Variants in GABRA1 observed in about 807,000 individuals in gnomAD.
GABRA1 encodes gamma-aminobutyric acid receptor subunit alpha-1.
In GABRA1, 9 loss-of-function variants were observed where a neutral mutation model predicts 48.9. That is an observed-to-expected ratio of 0.18 (90% CI 0.11 to 0.32). The LOEUF is 0.32. Among genes scored for constraint, GABRA1 ranks in the 10% least tolerant of loss-of-function variants. The pLI, the probability that GABRA1 is intolerant of heterozygous loss-of-function variation, is 1.00. For synonymous variants in GABRA1, 210 were observed against 198.7 expected (o/e 1.06, Z -0.48); for missense variants, 285 against 553.8 (o/e 0.51, Z 4.87).
chr5:161,862,825 T>C (rs1253852975), intron 3 of GABRA1, among the ~76,000 whole-genome samples: 2 of 151,972 alleles, frequency 1.3e-5, no homozygotes, highest in Non-Finnish European at 2.9e-5. Flanking sequence ...TGCTATGTAG[T>C]CATTTGAGCA....
intron 8 of GABRA1, among the ~76,000 whole-genome samples, chr5:161,892,918 G>A (rs1266580621): frequency 6.6e-6 from 1 of 151,314 alleles, no homozygotes; most frequent in African/African-American, 2.4e-5. Flanking sequence ...GCAGGAGAAT[G>A]GCTTGAACCC....
Position 161,882,628 on chromosome 5 carries a change from A to C in GABRA1, c.630A>C (p.Glu210Asp). ...REPARSVVVAEDGSRLNQYDL... is the reference protein window; with the variant it reads ...REPARSVVVADDGSRLNQYDL... ...CAGCACGCTCAGTGGTTGTAGCAGA[A>C]GATGGATCACGTCTAAACCAGTATG... is the stretch of plus-strand genomic sequence containing the variant. The change falls in exon 7 of 10, where the codon GAA becomes GAC. Residue 210 changes from glutamate to aspartate, a missense_variant. By Grantham distance (45) the Glu-to-Asp change is conservative. Coordinates refer to ENST00000393943, the MANE Select transcript of GABRA1 (RefSeq NM_001127644.2). 6.2e-7 allele frequency: 1 copy of C among 1,613,712 alleles called. No homozygotes were observed. Among genetic ancestry groups the C allele is most frequent in the African/African-American group, 1.3e-5 (1 of 75,050 alleles).
In GABRA1 at chr5:161,861,734, A is replaced by T. The variant is rs139763969; in HGVS notation, c.188-3987A>T. ...GCTCCAATCAATCAGGTCAGCAGGG[A>T]GCTGGAACATTGCTTTATCCAGGAG... On this transcript the variant is annotated intron_variant, in intron 3 of 9. Coordinates refer to ENST00000393943, the MANE Select transcript of GABRA1 (RefSeq NM_001127644.2). 3.9e-5 allele frequency among the ~76,000 whole-genome samples: 6 copies of T among 152,032 alleles called. No homozygotes were observed. The East Asian group carries it at 9.7e-4, about 25-fold the overall frequency.
chr5:161,854,747 A>C (rs1459900829), intron 3 of GABRA1, among the ~76,000 whole-genome samples: 1 of 151,610 alleles, frequency 6.6e-6, no homozygotes, highest in African/African-American at 2.4e-5. Context: ...AATGAGATAG[A>C]TGGTAGTGTT....
At chr5:161,895,016 TTA>T (rs991389368) in intron 8 of GABRA1, among the ~76,000 whole-genome samples, 59 of 150,694 alleles carry the variant, frequency 3.9e-4, no homozygotes, top group African/African-American at 1.4e-3. Context: ...AAATGTATTA[TTA>T]TATATATGTG....
chr5:161,854,112 A>C (rs1757551236), intron 2 of GABRA1, 46 bp from the exon 3 acceptor site: 2 of 956,158 alleles, frequency 2.1e-6, no homozygotes, highest in South Asian at 1.4e-5. Context: ...AGGTTTTAGT[A>C]GAAATGTATA....
rs1385596421 is a variant in GABRA1 at position 161,898,329 on chromosome 5, A to T, written c.*907A>T. 6.6e-6 allele frequency: 1 copy of T among 152,588 alleles called. No individual in the cohort carries two copies. The highest frequency in any genetic ancestry group is 1.5e-5 in the Non-Finnish European group (1 of 68,002). 9.5% of individuals were successfully genotyped at this position (152,588 alleles called of 1,614,324 possible). On this transcript the variant is annotated 3_prime_UTR_variant, in exon 10 of 10. Transcript: ENST00000393943. ...GGCAAAAATATTTTGCAAGCTCTGG[A>T]ATTGTTGAATGTATTCTTTTATATA...
At chr5:161,878,873 C>T (rs1405188422) in intron 6 of GABRA1, among the ~76,000 whole-genome samples, 1 of 152,086 alleles carries the variant, frequency 6.6e-6, no homozygotes, top group Non-Finnish European at 1.5e-5. Context: ...AAAAACAATG[C>T]ATTGCAAACA....
chr5:161,853,637 A>G (rs4340950), intron 2 of GABRA1: 22,319 of 151,882 alleles, frequency 0.15, 1,963 homozygotes, highest in East Asian at 0.28. Flanking sequence ...AATTGTCCTA[A>G]GAAATGTTTT....
At chr5:161,895,144 A>G (rs897816669) in intron 8 of GABRA1, among the ~76,000 whole-genome samples, 14 of 152,326 alleles carry the variant, frequency 9.2e-5, no homozygotes, top group African/African-American at 2.6e-4. Flanking sequence ...ATCAGGAAAG[A>G]TAGTGTAAAA....
intron 4 of GABRA1, 143 bp downstream of exon 4, chr5:161,865,931 T>C (rs1041783142): frequency 4.6e-6 from 3 of 647,354 alleles, no homozygotes; most frequent in African/African-American, 3.7e-5. Context: ...ATATGTAATA[T>C]GTAATATAAT....
chr5:161,879,364 G>A (rs904755356), intron 6 of GABRA1, among the ~76,000 whole-genome samples: 1 of 152,062 alleles, frequency 6.6e-6, no homozygotes, highest in African/African-American at 2.4e-5. Context: ...TGCCCATGTT[G>A]GCCTTAAAAA....
In GABRA1 at chr5:161,897,759, A is replaced by G. The variant is rs1755439051; in HGVS notation, c.*337A>G. The G allele has an allele frequency of 9.3e-6, 2 of 214,842 alleles. No homozygotes were observed. Among genetic ancestry groups the G allele is most frequent in the Non-Finnish European group, 1.8e-5 (2 of 108,466 alleles). 13.3% of individuals were successfully genotyped at this position (214,842 alleles called of 1,614,324 possible). On this transcript the variant is annotated 3_prime_UTR_variant, in exon 10 of 10. Transcript: ENST00000393943. The stretch of plus-strand genomic sequence containing the variant: ...TAACTAAAACCCCTAGGTCATTTGT[A>G]GATATATATTTCCAAATATTCTAAA...
At chr5:161,863,221 T>A (rs1349174837) in intron 3 of GABRA1, among the ~76,000 whole-genome samples, 1 of 151,630 alleles carries the variant, frequency 6.6e-6, no homozygotes, top group Non-Finnish European at 1.5e-5. Flanking sequence ...TTGAGGAAAA[T>A]GATTAAGTTT....
chr5:161,870,582 G>A (rs866478810), intron 4 of GABRA1, among the ~76,000 whole-genome samples: 8 of 139,126 alleles, frequency 5.8e-5, no homozygotes, highest in Admixed American at 1.4e-4. Flanking sequence ...AAAAAAAAAA[G>A]GAAAAAGAAA....
intron 4 of GABRA1, among the ~76,000 whole-genome samples, chr5:161,868,702 A>G (rs1206154959): frequency 6.6e-6 from 1 of 152,148 alleles, no homozygotes; most frequent in Non-Finnish European, 1.5e-5. Context: ...GTTAAAGGAC[A>G]ATGCCCAAAT....
chr5:161,874,171 G>T (rs1297004306), intron 5 of GABRA1, among the ~76,000 whole-genome samples: 1 of 152,040 alleles, frequency 6.6e-6, no homozygotes, highest in East Asian at 1.9e-4. Flanking sequence ...GGTAATAAAG[G>T]TAAAATCCTA....
chr5:161,880,398 G>T (rs1308037638), intron 6 of GABRA1, among the ~76,000 whole-genome samples: 2 of 152,118 alleles, frequency 1.3e-5, no homozygotes, highest in Non-Finnish European at 2.9e-5. Context: ...AAACTAGTGT[G>T]CTCTGCCTTC....
rs116752837 is a variant in GABRA1 at position 161,893,705 on chromosome 5, G to T, written c.857-1961G>T. On this transcript the variant is annotated intron_variant, in intron 8 of 9. Transcript: ENST00000393943. ...ACATCCAAGTTTGAGATTCAGTCTCGCCACCTACCAGCTGCATGGCATTGG... is the reference window on the plus strand; with the variant it reads ...ACATCCAAGTTTGAGATTCAGTCTCTCCACCTACCAGCTGCATGGCATTGG... Among the ~76,000 whole-genome samples, 1,255 of 152,156 alleles carry T rather than the reference G, an allele frequency of 8.2e-3. 7 individuals are homozygous for T. Among genetic ancestry groups the T allele is most frequent in the Middle Eastern group, 0.017 (5 of 292 alleles).
Sources: gnomAD v4.1 joint callset for allele counts (sites outside exome capture counted in the v4.1 genomes callset) on GRCh38, gnomAD v4.1.1 for gene constraint, MANE v1.5 for transcripts, NCBI Gene and HGNC (gene_info 2026-07-23, HGNC 2026-07-21) for gene names.